The following GRID2 variants were observed in gnomAD, a reference collection of about 807,000 sequenced individuals.
The protein encoded by GRID2 is glutamate receptor ionotropic, delta-2.
GRID2 carries 33 observed loss-of-function variants against 114.8 expected under a neutral mutation model. The observed-to-expected ratio is 0.29, with a 90% CI of 0.22 to 0.38. The LOEUF is 0.38. GRID2 is among the 10% of genes least tolerant of loss of function. GRID2 has a pLI of 1.00. For synonymous variants in GRID2, 505 were observed against 449.9 expected, an observed-to-expected ratio of 1.12 and a Z score of -1.55; for missense variants, 1,184 against 1,257.7, an observed-to-expected ratio of 0.94 and a Z score of 0.89.
At chr4:92,874,538 C>T (rs1323826967) in intron 2 of GRID2, among the ~76,000 whole-genome samples, 1 of 152,114 alleles carries the variant, frequency 6.6e-6, no homozygotes, top group Non-Finnish European at 1.5e-5. Context: ...CTATTTTAAA[C>T]ATCCAAAGAG....
intron 1 of GRID2, among the ~76,000 whole-genome samples, chr4:92,402,069 C>CT (rs1032263219): frequency 5.9e-5 from 9 of 151,690 alleles, no homozygotes; most frequent in African/African-American, 1.9e-4. Context: ...CAAGAAACCA[C>CT]TTTTTTTTTC....
intron 3 of GRID2, among the ~76,000 whole-genome samples, chr4:93,093,692 G>T (rs1381604893): frequency 4.0e-5 from 6 of 151,850 alleles, no homozygotes. Context: ...CTTCCCCCAG[G>T]GCTGGATAGG....
chr4:92,519,482 A>G (rs955409599), intron 1 of GRID2, among the ~76,000 whole-genome samples: 1 of 151,624 alleles, frequency 6.6e-6, no homozygotes, highest in African/African-American at 2.4e-5. Flanking sequence ...GTGCAACTAC[A>G]CAGGCACATA....
At chr4:93,336,750 T>C (rs909104922) in intron 8 of GRID2, among the ~76,000 whole-genome samples, 3 of 152,200 alleles carry the variant, frequency 2.0e-5, no homozygotes, top group South Asian at 4.1e-4. Flanking sequence ...ATCATATTTG[T>C]TTTACTTTCC....
At chr4:92,980,343 ATTAAT>A (rs942060017) in intron 2 of GRID2, among the ~76,000 whole-genome samples, 30 of 151,842 alleles carry the variant, frequency 2.0e-4, no homozygotes, top group African/African-American at 7.0e-4. Context: ...TTTTGACTTA[ATTAAT>A]TTATTTGTAT....
At chr4:93,357,338 C>T (rs1368141967) in intron 8 of GRID2, among the ~76,000 whole-genome samples, 1 of 151,066 alleles carries the variant, frequency 6.6e-6, no homozygotes, top group Non-Finnish European at 1.5e-5. Context: ...CTTATTAATT[C>T]AAGAGGACTC....
intron 1 of GRID2, among the ~76,000 whole-genome samples, chr4:92,577,384 G>T (rs1030640199): frequency 2.6e-5 from 4 of 152,196 alleles, no homozygotes; most frequent in Non-Finnish European, 4.4e-5. Flanking sequence ...AGGTAAATAA[G>T]TCAACTGTTA....
intron 2 of GRID2, among the ~76,000 whole-genome samples, chr4:92,676,807 T>C (rs778487494): frequency 5.9e-5 from 9 of 152,160 alleles, no homozygotes; most frequent in Non-Finnish European, 1.3e-4. Flanking sequence ...TGGCCTCAAA[T>C]AGATGCTTAT....
intron 2 of GRID2, among the ~76,000 whole-genome samples, chr4:92,844,728 A>G (rs1379384591): frequency 6.6e-6 from 1 of 151,862 alleles, no homozygotes; most frequent in Admixed American, 6.6e-5. Flanking sequence ...AAAGAAAGAA[A>G]AAAAAAAGAT....
chr4:92,604,086 G>C (rs1448761261), intron 2 of GRID2, among the ~76,000 whole-genome samples: 1 of 152,114 alleles, frequency 6.6e-6, no homozygotes, highest in African/African-American at 2.4e-5. Context: ...TTACACTGTT[G>C]GTGGGAATGC....
At chr4:93,209,206 C>T (rs2149472543) in intron 5 of GRID2, among the ~76,000 whole-genome samples, 1 of 152,036 alleles carries the variant, frequency 6.6e-6, no homozygotes, top group East Asian at 1.9e-4. Flanking sequence ...AGGCATTAAG[C>T]CTAGTGCTCA....
chr4:93,795,626 A>AGAT (rs1214653010), intron 1 of GRID2, among the ~76,000 whole-genome samples: 3 of 152,264 alleles, frequency 2.0e-5, no homozygotes, highest in Non-Finnish European at 4.4e-5. Context: ...TTTCTTTAAT[A>AGAT]GATTATTTTA....
chr4:93,686,864 T>C (rs1171402103), intron 14 of GRID2, among the ~76,000 whole-genome samples: 2 of 151,940 alleles, frequency 1.3e-5, no homozygotes, highest in East Asian at 3.9e-4. Flanking sequence ...ATGGGCCAGA[T>C]ACATGAAGCT....
At chr4:93,527,879 TC>T (rs1393034013) in intron 13 of GRID2, among the ~76,000 whole-genome samples, 1 of 151,794 alleles carries the variant, frequency 6.6e-6, no homozygotes, top group African/African-American at 2.4e-5. Flanking sequence ...CATTCCCTCT[TC>T]CCCCCAAGGC....
chr4:93,512,454 G>A (rs768020974), intron 12 of GRID2, among the ~76,000 whole-genome samples: 41 of 152,198 alleles, frequency 2.7e-4, no homozygotes, highest in Non-Finnish European at 5.3e-4. Flanking sequence ...TTTTCATTTG[G>A]TAATAAGCTA....
At chr4:92,992,898 G>A (rs886331072) in intron 2 of GRID2, among the ~76,000 whole-genome samples, 1 of 151,754 alleles carries the variant, frequency 6.6e-6, no homozygotes, top group Non-Finnish European at 1.5e-5. Context: ...TCTTTGCGTT[G>A]GAAATCTGTA....
chr4:93,659,742 T>C (rs1398537274), intron 14 of GRID2, among the ~76,000 whole-genome samples: 2 of 152,158 alleles, frequency 1.3e-5, no homozygotes, highest in African/African-American at 2.4e-5. Flanking sequence ...GGAATTTCCA[T>C]TGGTTTCTCA....
At chr4:92,870,078 G>A (rs1369892648) in intron 2 of GRID2, among the ~76,000 whole-genome samples, 1 of 151,810 alleles carries the variant, frequency 6.6e-6, no homozygotes, top group Non-Finnish European at 1.5e-5. Context: ...GTTCATGCCT[G>A]TATTCCTAGC....
At chr4:92,922,370 C>T (rs912016480) in intron 2 of GRID2, among the ~76,000 whole-genome samples, 3 of 152,102 alleles carry the variant, frequency 2.0e-5, no homozygotes, top group Admixed American at 6.5e-5. Flanking sequence ...CACTGTCCGA[C>T]AATCCCCAGT....
Sources: gnomAD v4.1 joint callset for allele counts (sites outside exome capture counted in the v4.1 genomes callset) on GRCh38, gnomAD v4.1.1 for gene constraint, MANE v1.5 for transcripts, NCBI Gene and HGNC (gene_info 2026-07-23, HGNC 2026-07-21) for gene names.